PACRG: variants seen among roughly 807,000 people sequenced by gnomAD.
PACRG encodes parkin coregulated.
A neutral mutation model predicts 29.7 loss-of-function variants in PACRG; 29 were observed. That is an observed-to-expected ratio of 0.98 (90% CI 0.73 to 1.33). PACRG has a LOEUF of 1.33. PACRG is among the 40% of genes most tolerant of loss of function. The pLI, the probability that PACRG is intolerant of heterozygous loss-of-function variation, is 0.00. For synonymous variants in PACRG, 116 were observed against 118.7 expected (o/e 0.98, Z 0.15); for missense variants, 279 against 316.2 (o/e 0.88, Z 0.89).
intron 2 of PACRG, among the ~76,000 whole-genome samples, chr6:162,969,904 T>C (rs1801382814): frequency 6.6e-6 from 1 of 152,236 alleles, no homozygotes; most frequent in Non-Finnish European, 1.5e-5. Flanking sequence ...ACTGTTTATC[T>C]GCATGTTTGT....
chr6:163,314,741 A>G, intron 4 of PACRG, 86 bp from the exon 5 acceptor site: 1 of 1,427,194 alleles, frequency 7.0e-7, no homozygotes, highest in Non-Finnish European at 9.4e-7. Flanking sequence ...CCTAATAAGC[A>G]TTCAGAGAAA....
intron 2 of PACRG, among the ~76,000 whole-genome samples, chr6:162,902,597 A>G (rs1292597893): frequency 6.6e-6 from 1 of 152,228 alleles, no homozygotes; most frequent in Non-Finnish European, 1.5e-5. Flanking sequence ...CCGACAATAT[A>G]TCAAAAGAAA....
At chr6:163,239,062 G>A (rs750253223) in intron 4 of PACRG, among the ~76,000 whole-genome samples, 13 of 152,148 alleles carry the variant, frequency 8.5e-5, no homozygotes, top group Middle Eastern at 3.2e-3. Flanking sequence ...TGAAAGAAGC[G>A]TTTCAAAGTT....
intron 4 of PACRG, among the ~76,000 whole-genome samples, chr6:163,146,571 C>T (rs989949889): frequency 6.6e-6 from 1 of 152,046 alleles, no homozygotes. Context: ...GTTTTTGTTC[C>T]ACCTTATTAA....
chr6:163,136,769 A>G (rs1562934462), intron 4 of PACRG, among the ~76,000 whole-genome samples: 1 of 152,244 alleles, frequency 6.6e-6, no homozygotes. Context: ...ATTTTATGCC[A>G]ATCTATACAC....
intron 4 of PACRG, 121 bp from the exon 5 acceptor site, chr6:163,314,706 G>A: frequency 2.7e-6 from 3 of 1,118,786 alleles, no homozygotes; most frequent in Non-Finnish European, 3.7e-6. Flanking sequence ...GCAAGATCGT[G>A]TAAAAATCTT....
At chr6:163,006,255 T>C (rs955590721) in intron 2 of PACRG, among the ~76,000 whole-genome samples, 3 of 143,646 alleles carry the variant, frequency 2.1e-5, no homozygotes, top group Admixed American at 6.9e-5. Context: ...GATATTTTGA[T>C]ATGGGCATAC....
chr6:163,010,317 A>G (rs980014847), intron 2 of PACRG, among the ~76,000 whole-genome samples: 2 of 152,238 alleles, frequency 1.3e-5, no homozygotes, highest in African/African-American at 4.8e-5. Context: ...AAAATTTTGT[A>G]TCGCATTCCC....
intron 1 of PACRG, among the ~76,000 whole-genome samples, chr6:162,765,597 A>G (rs1422348704): frequency 6.6e-6 from 1 of 152,174 alleles, no homozygotes; most frequent in African/African-American, 2.4e-5. Flanking sequence ...TGATGGTAAC[A>G]TAGTGGTACC....
At chr6:163,294,709 A>C (rs537745648) in intron 4 of PACRG, among the ~76,000 whole-genome samples, 1 of 152,356 alleles carries the variant, frequency 6.6e-6, no homozygotes, top group East Asian at 1.9e-4. Context: ...AATTTCACAG[A>C]TAACTTGAAA....
intron 4 of PACRG, among the ~76,000 whole-genome samples, chr6:163,138,093 A>G (rs1005236180): frequency 6.6e-6 from 1 of 152,234 alleles, no homozygotes. Context: ...GCATTAGCAG[A>G]TCCAAGTTCC....
At chr6:163,025,371 A>G (rs1807027375) in intron 2 of PACRG, among the ~76,000 whole-genome samples, 1 of 152,232 alleles carries the variant, frequency 6.6e-6, no homozygotes, top group Non-Finnish European at 1.5e-5. Flanking sequence ...TAGAATTGAT[A>G]AACAACTTTA....
At chr6:163,090,824 G>A (rs1201708162) in intron 4 of PACRG, among the ~76,000 whole-genome samples, 1 of 152,200 alleles carries the variant, frequency 6.6e-6, no homozygotes, top group Non-Finnish European at 1.5e-5. Context: ...AGAGATGGAA[G>A]CATCAGGGAA....
chr6:163,000,225 A>C (rs1047381255), intron 2 of PACRG, among the ~76,000 whole-genome samples: 2 of 152,152 alleles, frequency 1.3e-5, no homozygotes, highest in African/African-American at 4.8e-5. Flanking sequence ...ATCAGGCTTC[A>C]TCTGTCAGTG....
intron 4 of PACRG, among the ~76,000 whole-genome samples, chr6:163,119,286 G>A (rs948523714): frequency 6.6e-6 from 1 of 152,230 alleles, no homozygotes; most frequent in Non-Finnish European, 1.5e-5. Flanking sequence ...TAACTCATCT[G>A]TACCACCATG....
At chr6:163,178,617 C>T (rs1779502803) in intron 4 of PACRG, among the ~76,000 whole-genome samples, 1 of 152,162 alleles carries the variant, frequency 6.6e-6, no homozygotes. Context: ...AATTAAACAC[C>T]TGTCTTACCT....
At chr6:162,730,018 C>T (rs947585891) in intron 1 of PACRG, among the ~76,000 whole-genome samples, 2 of 151,052 alleles carry the variant, frequency 1.3e-5, no homozygotes, top group African/African-American at 2.4e-5. Context: ...TAAATGCAAA[C>T]ATTATTTATC....
chr6:163,039,455 TCAAA>T (rs1450107307), intron 2 of PACRG, among the ~76,000 whole-genome samples: 3 of 152,202 alleles, frequency 2.0e-5, no homozygotes, highest in African/African-American at 7.2e-5. Flanking sequence ...AGGCAGAGAT[TCAAA>T]CAGTTTGGAG....
intron 4 of PACRG, among the ~76,000 whole-genome samples, chr6:163,133,395 A>G (rs1004511601): frequency 6.6e-6 from 1 of 151,764 alleles, no homozygotes; most frequent in Non-Finnish European, 1.5e-5. Flanking sequence ...GATGTTTATC[A>G]TGGAAGAGAA....
Sources: allele counts gnomAD v4.1 joint callset (sites outside exome capture counted in the v4.1 genomes callset), GRCh38; gene constraint gnomAD v4.1.1; transcripts MANE v1.5; gene names NCBI Gene and HGNC (gene_info 2026-07-23, HGNC 2026-07-21).